Variants in TYW1 observed in about 807,000 individuals in gnomAD.
TYW1 encodes tRNA-yW synthesizing protein 1 homolog.
In TYW1, 46 loss-of-function variants were observed where a neutral mutation model predicts 96.2. The ratio of observed to expected loss-of-function variants is 0.48; its 90% CI spans 0.38 to 0.61. The LOEUF (loss-of-function observed/expected upper bound fraction) is 0.61, where lower values mean the gene tolerates loss of function less well. Ranked by LOEUF, TYW1 falls within the 20% of genes least tolerant of loss-of-function variation. The pLI, the probability that TYW1 is intolerant of heterozygous loss-of-function variation, is 0.00. For missense variants in TYW1, 684 were observed against 909.6 expected (o/e 0.75, Z 3.19); for synonymous variants, 274 against 323.0 (o/e 0.85, Z 1.63).
intron 15 of TYW1, among the ~76,000 whole-genome samples, chr7:67,197,322 C>CTT (rs1800427816): frequency 7.4e-6 from 1 of 135,814 alleles, no homozygotes; most frequent in African/African-American, 2.8e-5. Context: ...ATCGAGACCT[C>CTT]TGTCTTTTTT....
At chr7:67,100,868 A>AT (rs1797064755) in intron 12 of TYW1, among the ~76,000 whole-genome samples, 1 of 151,248 alleles carries the variant, frequency 6.6e-6, no homozygotes, top group Non-Finnish European at 1.5e-5. Context: ...AAAAAAAAAA[A>AT]AGAGTTAAAG....
intron 4 of TYW1, among the ~76,000 whole-genome samples, chr7:67,011,299 T>C (rs1295810258): frequency 6.6e-6 from 1 of 152,202 alleles, no homozygotes; most frequent in African/African-American, 2.4e-5. Flanking sequence ...CGGCCTCCCA[T>C]AGTGCTGGGT....
chr7:67,145,180 G>GCT (rs1372303360), intron 13 of TYW1, among the ~76,000 whole-genome samples: 1 of 122,644 alleles, frequency 8.2e-6, no homozygotes, highest in Non-Finnish European at 1.6e-5. Flanking sequence ...AACGAGTCTC[G>GCT]CTCTCTCTCC....
chr7:67,137,778 A>G (rs894429957), intron 13 of TYW1, among the ~76,000 whole-genome samples: 1 of 152,176 alleles, frequency 6.6e-6, no homozygotes, highest in African/African-American at 2.4e-5. Flanking sequence ...GGAGGAATCT[A>G]TGAAGACGCC....
At chr7:67,189,627 T>C (rs901685024) in intron 14 of TYW1, among the ~76,000 whole-genome samples, 7 of 152,192 alleles carry the variant, frequency 4.6e-5, no homozygotes, top group Non-Finnish European at 8.8e-5. Context: ...GCCTAAATTC[T>C]GTCAATATTA....
At chr7:67,081,595 G>C (rs910446602) in intron 10 of TYW1, among the ~76,000 whole-genome samples, 9 of 151,538 alleles carry the variant, frequency 5.9e-5, no homozygotes, top group African/African-American at 1.9e-4. Flanking sequence ...GCAAACATTT[G>C]TTCATGTAAT....
At chr7:66,997,726 T>G (rs1345309418) in intron 1 of TYW1, among the ~76,000 whole-genome samples, 2 of 148,542 alleles carry the variant, frequency 1.3e-5, no homozygotes, top group Non-Finnish European at 3.0e-5. Context: ...CCTCCCAGGT[T>G]CAAACAGTTC....
rs1462558996 is a variant in TYW1, at chr7:67,083,496, G to A, written c.1341G>A (p.Lys447=). Residue 447 remains lysine, a synonymous_variant, in exon 11 of 16, where the codon AAG becomes AAA. Transcript: ENST00000359626. Reference sequence around the variant, plus strand: ...TGGACCAGCCTGAAATGATCTTGAAGGAAGCCATTGAAAACCATCAGAACA... The same window carrying A: ...TGGACCAGCCTGAAATGATCTTGAAAGAAGCCATTGAAAACCATCAGAACA... ...WKMDQPEMIL[K]EAIENHQNMI... 1 of 1,614,138 alleles carries A rather than the reference G, an allele frequency of 6.2e-7. No individual in the cohort carries two copies. The highest frequency in any genetic ancestry group is 8.5e-7 in the Non-Finnish European group (1 of 1,180,022).
chr7:67,154,260 T>C (rs1395825568), intron 13 of TYW1, among the ~76,000 whole-genome samples: 1 of 152,212 alleles, frequency 6.6e-6, no homozygotes, highest in African/African-American at 2.4e-5. Flanking sequence ...CATTTGTCTG[T>C]GATTATAAAC....
chr7:67,135,302 GTTTT>G (rs869257148), intron 13 of TYW1, among the ~76,000 whole-genome samples: 1 of 111,816 alleles, frequency 8.9e-6, no homozygotes, highest in Non-Finnish European at 1.7e-5. Flanking sequence ...TGTTAAAACA[GTTTT>G]TTTTTTTTTT....
At chr7:67,095,692 ACAACAACAG>A (rs1195835771) in intron 11 of TYW1, among the ~76,000 whole-genome samples, 3 of 128,704 alleles carry the variant, frequency 2.3e-5, no homozygotes, top group East Asian at 2.0e-4. Flanking sequence ...AACAACAACA[ACAACAACAG>A]CAGCAGCAGC....
intron 7 of TYW1, among the ~76,000 whole-genome samples, chr7:67,034,450 A>G (rs1489375875): frequency 2.0e-5 from 3 of 152,146 alleles, no homozygotes; most frequent in Non-Finnish European, 4.4e-5. Context: ...AAAATTTCAC[A>G]GACAGCAGTC....
At chr7:67,045,848 G>C (rs943373564) in intron 7 of TYW1, among the ~76,000 whole-genome samples, 12 of 152,196 alleles carry the variant, frequency 7.9e-5, no homozygotes, top group African/African-American at 2.9e-4. Flanking sequence ...CAAGGCCGTG[G>C]ACAAGAATGG....
intron 15 of TYW1, among the ~76,000 whole-genome samples, chr7:67,198,419 C>CG (rs1053413042): frequency 1.3e-5 from 2 of 151,702 alleles, no homozygotes; most frequent in African/African-American, 4.8e-5. Flanking sequence ...GGTGTGGTGG[C>CG]GGGGGCCTGT....
At chr7:67,071,441 A>G (rs1040733679) in intron 10 of TYW1, among the ~76,000 whole-genome samples, 2 of 145,766 alleles carry the variant, frequency 1.4e-5, no homozygotes, top group African/African-American at 5.0e-5. Context: ...GTCTTGGAAC[A>G]TTTCTTTCGC....
intron 13 of TYW1, among the ~76,000 whole-genome samples, chr7:67,118,633 A>G (rs908246636): frequency 1.3e-5 from 2 of 151,708 alleles, no homozygotes; most frequent in Admixed American, 1.3e-4. Flanking sequence ...GGTAGCTCAC[A>G]CCTGTAATCC....
chr7:67,116,640 G>A (rs1797603622), intron 12 of TYW1, among the ~76,000 whole-genome samples: 1 of 152,106 alleles, frequency 6.6e-6, no homozygotes, highest in Non-Finnish European at 1.5e-5. Flanking sequence ...AGTGAGCTGT[G>A]ATTGTGCCAC....
At chr7:67,133,882 GT>G (rs1798165089) in intron 13 of TYW1, among the ~76,000 whole-genome samples, 1 of 151,376 alleles carries the variant, frequency 6.6e-6, no homozygotes, top group Admixed American at 6.6e-5. Flanking sequence ...TGTTGATATG[GT>G]TTGTTTTCTC....
chr7:67,007,462 A>G (rs1793637758), intron 3 of TYW1, among the ~76,000 whole-genome samples: 1 of 151,892 alleles, frequency 6.6e-6, no homozygotes, highest in African/African-American at 2.4e-5. Flanking sequence ...AAGACCCTCC[A>G]CTGGTAACAA....
Sources: gnomAD v4.1 joint callset for allele counts (sites outside exome capture counted in the v4.1 genomes callset) on GRCh38, gnomAD v4.1.1 for gene constraint, MANE v1.5 for transcripts, NCBI Gene and HGNC (gene_info 2026-07-23, HGNC 2026-07-21) for gene names.